GRIK1: variants seen among roughly 807,000 people sequenced by gnomAD.
GRIK1 encodes the protein glutamate receptor ionotropic, kainate 1.
In GRIK1, 69 loss-of-function variants were observed where a neutral mutation model predicts 105.7. The ratio of observed to expected loss-of-function variants is 0.65; its 90% CI spans 0.54 to 0.80. The LOEUF is 0.80. Among genes scored for constraint, GRIK1 ranks in the 30% least tolerant of loss-of-function variants. The probability of loss-of-function intolerance (pLI) is 0.00; values close to 1 mark genes in which losing one functional copy is unlikely to be tolerated. For missense variants in GRIK1, 1,109 were observed against 1,167.3 expected, an observed-to-expected ratio of 0.95 and a Z score of 0.73; for synonymous variants, 438 against 431.3, an observed-to-expected ratio of 1.02 and a Z score of -0.19.
chr21:29,629,870 C>A (rs1474413899), intron 7 of GRIK1, among the ~76,000 whole-genome samples: 1 of 152,006 alleles, frequency 6.6e-6, no homozygotes, highest in African/African-American at 2.4e-5. Flanking sequence ...AATAAATTGC[C>A]GAGGGGAATG....
chr21:29,829,799 A>G (rs779696899), intron 1 of GRIK1, among the ~76,000 whole-genome samples: 10 of 152,180 alleles, frequency 6.6e-5, no homozygotes, highest in Non-Finnish European at 1.2e-4. Context: ...CACAGATAGG[A>G]TTGATTCACA....
intron 1 of GRIK1, among the ~76,000 whole-genome samples, chr21:29,881,349 G>T (rs1027688332): frequency 6.6e-6 from 1 of 151,956 alleles, no homozygotes; most frequent in Non-Finnish European, 1.5e-5. Context: ...ATTAAAAATG[G>T]TATTTTATTT....
intron 7 of GRIK1, among the ~76,000 whole-genome samples, chr21:29,639,678 G>A (rs142926600): frequency 2.1e-3 from 315 of 152,306 alleles, no homozygotes; most frequent in African/African-American, 7.2e-3. Flanking sequence ...AATGAAGCGT[G>A]TCAATCCTCT....
chr21:29,684,564 G>C (rs971351668), intron 3 of GRIK1, among the ~76,000 whole-genome samples: 4 of 151,780 alleles, frequency 2.6e-5, no homozygotes, highest in African/African-American at 9.7e-5. Flanking sequence ...CTGGAGTGCA[G>C]TGGTGCGATC....
intron 1 of GRIK1, among the ~76,000 whole-genome samples, chr21:29,865,076 C>T (rs1362533561): frequency 6.6e-6 from 1 of 152,190 alleles, no homozygotes; most frequent in East Asian, 1.9e-4. Context: ...AAGTTCCCTG[C>T]TGCATTCTTC....
At chr21:29,771,743 A>C (rs533122395) in intron 1 of GRIK1, among the ~76,000 whole-genome samples, 1 of 152,360 alleles carries the variant, frequency 6.6e-6, no homozygotes, top group African/African-American at 2.4e-5. Flanking sequence ...AGAAGTTGAC[A>C]TCACCCAGTA....
rs3054347 is a variant in GRIK1, at chr21:29,779,335, A to AGTGTGT, written c.119-85278_119-85273dup. Among the ~76,000 whole-genome samples the AGTGTGT allele has an allele frequency of 9.7e-3, 1,454 of 149,858 alleles. 22 individuals carry two copies. The highest frequency in any genetic ancestry group is 0.033 in the African/African-American group (1,365 of 40,878). ...AAAATATTTTGGAGGTCAGTGAGTG[A>AGTGTGT]GTGTGTGTGTGTGTGTGTGTGTGTG... On this transcript the variant is annotated intron_variant, in intron 1 of 17. Coordinates refer to ENST00000327783, the MANE Select transcript of GRIK1 (RefSeq NM_001330994.2).
intron 7 of GRIK1, among the ~76,000 whole-genome samples, chr21:29,609,250 T>C (rs907575128): frequency 8.5e-5 from 13 of 152,256 alleles, no homozygotes; most frequent in African/African-American, 2.6e-4. Flanking sequence ...TGGTAACCTA[T>C]AAATGACACA....
At chr21:29,752,226 G>A (rs1569049074) in intron 1 of GRIK1, among the ~76,000 whole-genome samples, 1 of 152,222 alleles carries the variant, frequency 6.6e-6, no homozygotes, top group Non-Finnish European at 1.5e-5. Flanking sequence ...TAAGGTCAGA[G>A]CTAGAATGGG....
Position 29,652,855 on chromosome 21 carries a change from C to A in GRIK1, c.781-1564G>T, listed in dbSNP as rs188564266. ...AAAAGCAGCAGCTTCAGAAACACTTCGCAATTTGCATTTGCGGAAGATGCA... is the reference window on the plus strand; with the variant it reads ...AAAAGCAGCAGCTTCAGAAACACTTAGCAATTTGCATTTGCGGAAGATGCA... On this transcript the variant is annotated intron_variant, in intron 5 of 17. Transcript: ENST00000327783. Among the ~76,000 whole-genome samples, 13 of 152,318 alleles carry A rather than the reference C, an allele frequency of 8.5e-5. No homozygotes were observed. The East Asian group carries it at 2.1e-3, about 25-fold the overall frequency.
Position 29,939,464 on chromosome 21 carries a change from A to T in GRIK1, c.37T>A (p.Trp13Arg). Reference sequence around the variant, plus strand: ...AGTGCCCAGCTGGTGTCCCTGGTCCAGAGCCCGGGCTGGGCGAGGAGTGTG... The same window carrying T: ...AGTGCCCAGCTGGTGTCCCTGGTCCTGAGCCCGGGCTGGGCGAGGAGTGTG... Reference protein sequence around the residue: ...HGTLLAQPGLWTRDTSWALLY... With the variant: ...HGTLLAQPGLRTRDTSWALLY... Residue 13 changes from tryptophan (W) to arginine (R), a missense_variant, in exon 1 of 18, where the codon TGG becomes AGG. Transcript: ENST00000327783. 6.2e-7 allele frequency: 1 copy of T among 1,600,888 alleles called. No homozygotes were observed. Among genetic ancestry groups the T allele is most frequent in the Non-Finnish European group, 8.5e-7 (1 of 1,173,638 alleles).
chr21:29,545,838 T>C (rs1182969300), intron 16 of GRIK1, among the ~76,000 whole-genome samples: 2 of 151,860 alleles, frequency 1.3e-5, no homozygotes, highest in Non-Finnish European at 2.9e-5. Context: ...TTTAAAAAAA[T>C]AGAACTCACC....
chr21:29,685,833 G>A (rs1439873595), intron 3 of GRIK1, among the ~76,000 whole-genome samples: 2 of 152,118 alleles, frequency 1.3e-5, no homozygotes, highest in African/African-American at 4.8e-5. Context: ...ATCCACTGAC[G>A]TGAGTCATAG....
chr21:29,572,781 C>CT (rs969522057), intron 14 of GRIK1, among the ~76,000 whole-genome samples: 4 of 148,972 alleles, frequency 2.7e-5, no homozygotes, highest in African/African-American at 9.9e-5. Context: ...TTTTCTTCTT[C>CT]TTTTTTGAGA....
chr21:29,688,460 A>G (rs980481749), intron 3 of GRIK1, among the ~76,000 whole-genome samples: 1 of 152,124 alleles, frequency 6.6e-6, no homozygotes, highest in African/African-American at 2.4e-5. Flanking sequence ...TTCACTTGTA[A>G]TTTTCATAAT....
intron 1 of GRIK1, among the ~76,000 whole-genome samples, chr21:29,753,820 GGT>G (rs1020450859): frequency 6.6e-6 from 1 of 152,064 alleles, no homozygotes; most frequent in Non-Finnish European, 1.5e-5. Context: ...AAGAGGTAAT[GGT>G]GTGTGCAATT....
At chr21:29,623,585 C>A (rs138885775) in intron 7 of GRIK1, among the ~76,000 whole-genome samples, 1 of 152,098 alleles carries the variant, frequency 6.6e-6, no homozygotes, top group African/African-American at 2.4e-5. Context: ...TTTACTTCTT[C>A]GTTTTTATCT....
intron 1 of GRIK1, among the ~76,000 whole-genome samples, chr21:29,886,306 C>A (rs577728859): frequency 6.6e-6 from 1 of 152,196 alleles, no homozygotes; most frequent in South Asian, 2.1e-4. Context: ...TGCCTCACTC[C>A]TTTCACCTCT....
intron 1 of GRIK1, among the ~76,000 whole-genome samples, chr21:29,805,223 C>G (rs2066832328): frequency 6.6e-6 from 1 of 152,132 alleles, no homozygotes; most frequent in Non-Finnish European, 1.5e-5. Context: ...AATGCTAGAG[C>G]AGGCTTTGCT....
Sources: allele counts gnomAD v4.1 joint callset (sites outside exome capture counted in the v4.1 genomes callset), GRCh38; gene constraint gnomAD v4.1.1; transcripts MANE v1.5; gene names NCBI Gene and HGNC (gene_info 2026-07-23, HGNC 2026-07-21).